PID1: variants seen among roughly 807,000 people sequenced by gnomAD.
PID1 encodes the protein phosphotyrosine interaction domain containing 1.
PID1 carries 10 observed loss-of-function variants against 19.1 expected under a neutral mutation model. That is an observed-to-expected ratio of 0.52 (90% confidence interval 0.32 to 0.89). The LOEUF (loss-of-function observed/expected upper bound fraction) is 0.89, where lower values mean the gene tolerates loss of function less well. PID1 is among the 40% of genes least tolerant of loss of function. PID1 has a pLI of 0.03. For synonymous variants in PID1, 130 were observed against 116.0 expected (o/e 1.12, Z -0.78); for missense variants, 248 against 285.3 (o/e 0.87, Z 0.94).
At chr2:229,203,173 T>C (rs1363399538) in intron 1 of PID1, among the ~76,000 whole-genome samples, 2 of 152,114 alleles carry the variant, frequency 1.3e-5, no homozygotes, top group African/African-American at 2.4e-5. Flanking sequence ...AGAGCCAGTG[T>C]CCTTGAAGTT....
In PID1 at chr2:229,025,015, T is replaced by A. The variant is rs1193858880; in HGVS notation, c.*617A>T. 6.5e-6 allele frequency: 1 copy of A among 153,562 alleles called. No individual in the cohort carries two copies. The allele number at this position is 153,562 out of a possible 1,614,324, so 9.5% of individuals were successfully genotyped here. ...AGATGAAGTGAATACAATAAGAGGG[T>A]ACTACTTGGTATATTTATGTAAATA... is the stretch of plus-strand genomic sequence containing the variant. On this transcript the variant is annotated 3_prime_UTR_variant, in exon 3 of 3. Coordinates refer to ENST00000392055, the MANE Select transcript of PID1 (RefSeq NM_001100818.2).
chr2:229,186,284 A>G (rs976868290), intron 1 of PID1, among the ~76,000 whole-genome samples: 2 of 151,890 alleles, frequency 1.3e-5, no homozygotes, highest in Non-Finnish European at 2.9e-5. Context: ...CTGCTTTTCC[A>G]GGTGCACGAT....
intron 1 of PID1, among the ~76,000 whole-genome samples, chr2:229,193,540 T>A (rs927416235): frequency 4.6e-5 from 7 of 152,116 alleles, no homozygotes; most frequent in Non-Finnish European, 8.8e-5. Flanking sequence ...TCAAGCATTG[T>A]TAGTCTACCA....
At chr2:229,220,660 G>A (rs536331337) in intron 1 of PID1, among the ~76,000 whole-genome samples, 1 of 152,198 alleles carries the variant, frequency 6.6e-6, no homozygotes, top group South Asian at 2.1e-4. Flanking sequence ...AGGATGGAGG[G>A]GCTATTAGCA....
At chr2:229,157,583 A>T (rs1299298216) in intron 1 of PID1, among the ~76,000 whole-genome samples, 1 of 152,182 alleles carries the variant, frequency 6.6e-6, no homozygotes, top group East Asian at 1.9e-4. Context: ...AGCATTAGTG[A>T]TGCCCCATAA....
chr2:229,120,561 G>A (rs1695496456), intron 2 of PID1, among the ~76,000 whole-genome samples: 1 of 150,604 alleles, frequency 6.6e-6, no homozygotes, highest in Non-Finnish European at 1.5e-5. Context: ...GACTCACAAT[G>A]TTCAAACCCA....
At chr2:229,041,668 A>G (rs1693772639) in intron 2 of PID1, among the ~76,000 whole-genome samples, 1 of 152,188 alleles carries the variant, frequency 6.6e-6, no homozygotes, top group Non-Finnish European at 1.5e-5. Context: ...ACAAATGGAG[A>G]GCAATAAATT....
chr2:229,069,255 A>G lies in PID1; in HGVS notation c.178-43147T>C, dbSNP rs541920129. On this transcript the variant is annotated intron_variant, in intron 2 of 2. Transcript: ENST00000392055. ...TATTTAAACAAGGATTATCAGGTCA[A>G]TTTGTAATAAACTCAGCTGAGGACA... Among the ~76,000 whole-genome samples, 9 of 151,588 alleles carry G rather than the reference A, an allele frequency of 5.9e-5. 1 individual carries two copies. In the South Asian group the frequency reaches 1.3e-3, roughly 21 times the overall value.
intron 2 of PID1, among the ~76,000 whole-genome samples, chr2:229,030,042 T>C (rs1198424753): frequency 6.6e-6 from 1 of 152,114 alleles, no homozygotes; most frequent in Non-Finnish European, 1.5e-5. Context: ...ATACAGTATA[T>C]ATGTATAATG....
At chr2:229,262,588 C>G in intron 1 of PID1, 1 of 1,474,788 alleles carries the variant, frequency 6.8e-7, no homozygotes, top group Non-Finnish European at 9.0e-7. Context: ...AGTCAAGAGG[C>G]TATATGGTTT....
intron 2 of PID1, among the ~76,000 whole-genome samples, chr2:229,105,827 C>A (rs1695166287): frequency 6.6e-6 from 1 of 152,178 alleles, no homozygotes; most frequent in Non-Finnish European, 1.5e-5. Flanking sequence ...CGCCTGTAAT[C>A]CCAGCACTTT....
At chr2:229,054,721 G>A (rs10167923) in intron 2 of PID1, among the ~76,000 whole-genome samples, 11 of 29,172 alleles carry the variant, frequency 3.8e-4, no homozygotes, top group Admixed American at 1.2e-3. Context: ...TGTGTGTGTG[G>A]GGGGGGGGGG....
intron 2 of PID1, among the ~76,000 whole-genome samples, chr2:229,111,119 A>G (rs62193226): frequency 0.14 from 22,051 of 152,132 alleles, 1,659 homozygotes; most frequent in South Asian, 0.21. Context: ...TTTGCCTTCC[A>G]CCATGATTAT....
At chr2:229,166,420 T>C (rs1690598438) in intron 1 of PID1, among the ~76,000 whole-genome samples, 1 of 152,222 alleles carries the variant, frequency 6.6e-6, no homozygotes, top group African/African-American at 2.4e-5. Flanking sequence ...ATGCATGGTT[T>C]ATTATATGTC....
At chr2:229,158,881 A>T (rs939137395) in intron 1 of PID1, among the ~76,000 whole-genome samples, 2 of 152,110 alleles carry the variant, frequency 1.3e-5, no homozygotes, top group Non-Finnish European at 2.9e-5. Context: ...AAATAAAAAC[A>T]ATTGAACTCA....
intron 1 of PID1, among the ~76,000 whole-genome samples, chr2:229,266,949 A>G (rs1209365963): frequency 1.3e-5 from 2 of 152,202 alleles, no homozygotes; most frequent in Non-Finnish European, 1.5e-5. Flanking sequence ...AATGGTCTCC[A>G]GTTGACGTTT....
intron 2 of PID1, among the ~76,000 whole-genome samples, chr2:229,057,785 T>A (rs1444383930): frequency 6.6e-6 from 1 of 152,126 alleles, no homozygotes; most frequent in Admixed American, 6.5e-5. Context: ...GCATTTGAGA[T>A]TACATACCTA....
intron 2 of PID1, among the ~76,000 whole-genome samples, chr2:229,033,889 T>C (rs1693606864): frequency 6.6e-6 from 1 of 152,142 alleles, no homozygotes; most frequent in Non-Finnish European, 1.5e-5. Flanking sequence ...TCTTCTTCCA[T>C]CACATGGATT....
At chr2:229,150,348 G>C (rs773420905) in intron 2 of PID1, among the ~76,000 whole-genome samples, 3 of 152,068 alleles carry the variant, frequency 2.0e-5, no homozygotes, top group Non-Finnish European at 4.4e-5. Flanking sequence ...CAGGGGCCAG[G>C]AGAAGCAACC....
Sources: allele counts gnomAD v4.1 joint callset (sites outside exome capture counted in the v4.1 genomes callset), GRCh38; gene constraint gnomAD v4.1.1; transcripts MANE v1.5; gene names NCBI Gene and HGNC (gene_info 2026-07-23, HGNC 2026-07-21).